MACROD2: variants seen among roughly 807,000 people sequenced by gnomAD.
MACROD2 encodes mono-ADP ribosylhydrolase 2, also known as ADP-ribose glycohydrolase MACROD2.
In MACROD2, 36 loss-of-function variants were observed where a neutral mutation model predicts 70.4. The observed-to-expected ratio is 0.51, with a 90% CI of 0.39 to 0.68. The LOEUF is 0.68. MACROD2 is among the 30% of genes least tolerant of loss of function. The pLI is 0.00. For synonymous variants in MACROD2, 172 were observed against 178.8 expected, an observed-to-expected ratio of 0.96 and a Z score of 0.30; for missense variants, 496 against 538.4, an observed-to-expected ratio of 0.92 and a Z score of 0.78.
chr20:15,668,333 C>G (rs757902729), intron 8 of MACROD2, among the ~76,000 whole-genome samples: 55 of 151,246 alleles, frequency 3.6e-4, no homozygotes, highest in Non-Finnish European at 7.1e-4. Flanking sequence ...TTTGGGAGGC[C>G]AAGGCAGGCA....
Position 14,238,764 on chromosome 20 carries a change from C to T in MACROD2, c.271+153036C>T, listed in dbSNP as rs367758626. Among the ~76,000 whole-genome samples the T allele has an allele frequency of 1.9e-3, 282 of 152,246 alleles. 1 individual carries two copies. Among genetic ancestry groups the T allele is most frequent in the African/African-American group, 6.6e-3 (275 of 41,532 alleles). Reference sequence around the variant, plus strand: ...AGCCTTCTGACCAGGCCCAGTGGCTCATGCCTGTAATCCCAGCACTTTGGG... The same window carrying T: ...AGCCTTCTGACCAGGCCCAGTGGCTTATGCCTGTAATCCCAGCACTTTGGG... On this transcript the variant is annotated intron_variant, in intron 3 of 17. Transcript: ENST00000684519.
chr20:15,850,910 G>A (rs1215840463), intron 8 of MACROD2, among the ~76,000 whole-genome samples: 4 of 152,068 alleles, frequency 2.6e-5, no homozygotes, highest in Admixed American at 6.5e-5. Flanking sequence ...CTTACCACTG[G>A]TCAGCCAAAT....
chr20:14,061,701 AT>A (rs1444302296), intron 2 of MACROD2, among the ~76,000 whole-genome samples: 1 of 152,148 alleles, frequency 6.6e-6, no homozygotes, highest in African/African-American at 2.4e-5. Flanking sequence ...GGAATTTAGC[AT>A]TACCAGCATC....
intron 8 of MACROD2, among the ~76,000 whole-genome samples, chr20:15,518,435 C>A (rs985935885): frequency 2.0e-5 from 3 of 152,218 alleles, no homozygotes; most frequent in Admixed American, 6.5e-5. Flanking sequence ...CCATAAATTT[C>A]TTTTGGCTCA....
At chr20:14,340,716 G>A (rs1029100777) in intron 3 of MACROD2, among the ~76,000 whole-genome samples, 2 of 152,118 alleles carry the variant, frequency 1.3e-5, no homozygotes, top group African/African-American at 4.8e-5. Flanking sequence ...TTGTTGGCTA[G>A]CCTGTGAATC....
chr20:14,912,693 G>A (rs915753146), intron 5 of MACROD2, among the ~76,000 whole-genome samples: 4 of 152,150 alleles, frequency 2.6e-5, no homozygotes, highest in African/African-American at 4.8e-5. Flanking sequence ...ACTAAGGCAT[G>A]AAGGATTATG....
At chr20:14,848,933 G>A (rs1018104622) in intron 5 of MACROD2, among the ~76,000 whole-genome samples, 1 of 152,010 alleles carries the variant, frequency 6.6e-6, no homozygotes, top group Non-Finnish European at 1.5e-5. Flanking sequence ...CACATCCTCC[G>A]GCAGACATCA....
chr20:14,922,568 T>C (rs1246003641), intron 5 of MACROD2, among the ~76,000 whole-genome samples: 2 of 152,216 alleles, frequency 1.3e-5, no homozygotes, highest in Non-Finnish European at 2.9e-5. Flanking sequence ...TCATTAACTT[T>C]TTTGGATCTT....
At chr20:14,752,646 C>A (rs920066086) in intron 5 of MACROD2, among the ~76,000 whole-genome samples, 4 of 152,042 alleles carry the variant, frequency 2.6e-5, no homozygotes, top group African/African-American at 9.7e-5. Context: ...TTTTAAAATA[C>A]TTCGAGGACT....
chr20:14,390,529 C>G (rs957641093), intron 3 of MACROD2, among the ~76,000 whole-genome samples: 1 of 152,184 alleles, frequency 6.6e-6, no homozygotes, highest in Non-Finnish European at 1.5e-5. Context: ...CAGCATGGTA[C>G]TGGCACAAAA....
intron 5 of MACROD2, among the ~76,000 whole-genome samples, chr20:14,949,982 C>G (rs896237090): frequency 6.6e-6 from 1 of 152,146 alleles, no homozygotes; most frequent in Admixed American, 6.5e-5. Flanking sequence ...AAGTGCATGT[C>G]AGGGCAAATA....
chr20:15,597,403 G>T (rs1343206041), intron 8 of MACROD2, among the ~76,000 whole-genome samples: 10 of 152,218 alleles, frequency 6.6e-5, no homozygotes, highest in Non-Finnish European at 1.5e-4. Flanking sequence ...AAGGATACAA[G>T]AGTGGTACAC....
At chr20:15,802,111 G>T (rs1408853540) in intron 8 of MACROD2, among the ~76,000 whole-genome samples, 2 of 152,010 alleles carry the variant, frequency 1.3e-5, no homozygotes, top group East Asian at 1.9e-4. Context: ...AAATTTTTAG[G>T]TTAGTCTGTA....
intron 4 of MACROD2, among the ~76,000 whole-genome samples, chr20:14,538,102 G>T (rs896465702): frequency 6.6e-6 from 1 of 152,126 alleles, no homozygotes; most frequent in African/African-American, 2.4e-5. Context: ...ATCCCATGAA[G>T]GGGATACTAT....
intron 5 of MACROD2, among the ~76,000 whole-genome samples, chr20:14,726,639 A>G (rs1016140494): frequency 2.0e-5 from 3 of 152,212 alleles, no homozygotes; most frequent in African/African-American, 7.2e-5. Flanking sequence ...TTTATCGTCA[A>G]AACAACACTA....
At chr20:15,801,176 A>G (rs2063721554) in intron 8 of MACROD2, among the ~76,000 whole-genome samples, 1 of 133,078 alleles carries the variant, frequency 7.5e-6, no homozygotes, top group Non-Finnish European at 1.5e-5. Flanking sequence ...AACACCCAAG[A>G]ATGATCAATT....
intron 5 of MACROD2, among the ~76,000 whole-genome samples, chr20:15,172,042 A>G (rs1242729454): frequency 6.6e-6 from 1 of 152,258 alleles, no homozygotes; most frequent in Non-Finnish European, 1.5e-5. Context: ...AAATAAGCAT[A>G]TTCTAATTAA....
In MACROD2 at chr20:14,771,663, A is replaced by ACG. The variant is rs1338448171; in HGVS notation, c.418+86705_418+86706insGC. 3.8e-4 allele frequency among the ~76,000 whole-genome samples: 50 copies of ACG among 132,348 alleles called. 2 individuals carry two copies. The highest frequency in any genetic ancestry group is 1.3e-3 in the African/African-American group (45 of 35,324). The allele number at this position is 132,348 out of a possible 152,430, so 86.8% of individuals were successfully genotyped here. ...CAAAAATACACACACACACACACAC[A>ACG]CACACACATATATATATATATTTAA... On this transcript the variant is annotated intron_variant, in intron 5 of 17. Coordinates refer to ENST00000684519, the MANE Select transcript of MACROD2 (RefSeq NM_001351661.2).
intron 5 of MACROD2, among the ~76,000 whole-genome samples, chr20:15,093,027 C>T (rs1389928250): frequency 1.3e-5 from 2 of 152,064 alleles, no homozygotes. Flanking sequence ...TTAATTAGTA[C>T]TTACATGTGC....
Sources: allele counts gnomAD v4.1 joint callset (sites outside exome capture counted in the v4.1 genomes callset), GRCh38; gene constraint gnomAD v4.1.1; transcripts MANE v1.5; gene names NCBI Gene and HGNC (gene_info 2026-07-23, HGNC 2026-07-21).